BRD10: variants seen among roughly 807,000 people sequenced by gnomAD.
The protein encoded by BRD10 is uncharacterized bromodomain-containing protein 10.
the BRD10 span, among the ~76,000 whole-genome samples, chr9:5,929,506 C>T: frequency 5.9e-5 from 9 of 152,200 alleles, no homozygotes; most frequent in African/African-American, 2.2e-4. Context: ...TGACATGGGT[C>T]ATTTCAGTAA....
At chr9:5,988,514 T>G in the BRD10 span, 3 of 1,613,892 alleles carry the variant, frequency 1.9e-6, no homozygotes, top group Non-Finnish European at 2.5e-6. Flanking sequence ...CCTCTAGATG[T>G]AACTGCTATC....
At chr9:5,991,587 A>T in the BRD10 span, among the ~76,000 whole-genome samples, 1 of 151,902 alleles carries the variant, frequency 6.6e-6, no homozygotes, top group Non-Finnish European at 1.5e-5. Flanking sequence ...GCTGGGCCTG[A>T]TGGCACGTGC....
chr9:5,904,501 C>T, the BRD10 span, among the ~76,000 whole-genome samples: 5 of 152,046 alleles, frequency 3.3e-5, no homozygotes, highest in South Asian at 1.0e-3. Context: ...CAGAATCTCA[C>T]TCACTCTGTC....
chr9:5,951,328 TA>T, the BRD10 span, among the ~76,000 whole-genome samples: 29,334 of 149,682 alleles, frequency 0.2, 3,007 homozygotes, highest in Middle Eastern at 0.28. Flanking sequence ...CATTAGGACT[TA>T]AAAAAAAAAA....
the BRD10 span, among the ~76,000 whole-genome samples, chr9:5,998,396 G>C: frequency 2.0e-5 from 3 of 152,004 alleles, no homozygotes; most frequent in Non-Finnish European, 2.9e-5. Context: ...TCCATAATAT[G>C]TATACACATA....
At chr9:5,878,955 C>T in the BRD10 span, among the ~76,000 whole-genome samples, 1 of 152,222 alleles carries the variant, frequency 6.6e-6, no homozygotes, top group Non-Finnish European at 1.5e-5. Context: ...AGATTCTGGG[C>T]AGAGAGATGG....
the BRD10 span, among the ~76,000 whole-genome samples, chr9:5,959,575 A>T: frequency 6.6e-6 from 1 of 152,208 alleles, no homozygotes; most frequent in African/African-American, 2.4e-5. Context: ...CATGGAGTAT[A>T]GTAAATCCTT....
At chr9:5,979,792 G>A in the BRD10 span, among the ~76,000 whole-genome samples, 6 of 151,964 alleles carry the variant, frequency 3.9e-5, no homozygotes, top group Non-Finnish European at 4.4e-5. Flanking sequence ...GAGGAGGGCA[G>A]ATCACCTGAG....
the BRD10 span, among the ~76,000 whole-genome samples, chr9:5,946,568 A>G: frequency 6.6e-6 from 1 of 152,230 alleles, no homozygotes; most frequent in East Asian, 1.9e-4. Context: ...AGTGAGGACT[A>G]AACTTTTCAT....
the BRD10 span, among the ~76,000 whole-genome samples, chr9:5,987,872 T>C: frequency 6.6e-6 from 1 of 152,196 alleles, no homozygotes; most frequent in Non-Finnish European, 1.5e-5. Context: ...TCCCAGACCC[T>C]AGAAGCTACC....
the BRD10 span, among the ~76,000 whole-genome samples, chr9:5,915,479 C>T: frequency 2.0e-5 from 3 of 152,198 alleles, no homozygotes; most frequent in South Asian, 2.1e-4. Context: ...CATATACTTT[C>T]GAATATTCTT....
chr9:5,991,502 C>T, the BRD10 span, among the ~76,000 whole-genome samples: 1 of 152,044 alleles, frequency 6.6e-6, no homozygotes, highest in Non-Finnish European at 1.5e-5. Context: ...GCAGGTGGAT[C>T]ACCTGACGTC....
the BRD10 span, among the ~76,000 whole-genome samples, chr9:5,991,978 C>G: frequency 6.6e-6 from 1 of 152,172 alleles, no homozygotes; most frequent in South Asian, 2.1e-4. Context: ...CTTGATCACT[C>G]TCCTTTAAGA....
At chr9:5,884,253 T>C in the BRD10 span, among the ~76,000 whole-genome samples, 4 of 152,216 alleles carry the variant, frequency 2.6e-5, no homozygotes, top group South Asian at 2.1e-4. Context: ...CACGGGAAAA[T>C]AGATTTACTG....
At chr9:5,994,771 T>A in the BRD10 span, among the ~76,000 whole-genome samples, 1 of 152,102 alleles carries the variant, frequency 6.6e-6, no homozygotes, top group Non-Finnish European at 1.5e-5. Context: ...GTAGAAAAAA[T>A]AATCCCCTTA....
chr9:5,945,056 ATTAT>A, the BRD10 span: 8 of 503,774 alleles, frequency 1.6e-5, no homozygotes, highest in Non-Finnish European at 2.8e-5. Flanking sequence ...TGAATTCACA[ATTAT>A]TTTTCTCTGT....
At chr9:5,991,943 A>C in the BRD10 span, among the ~76,000 whole-genome samples, 2 of 152,100 alleles carry the variant, frequency 1.3e-5, no homozygotes, top group African/African-American at 4.8e-5. Context: ...TCATACCAAC[A>C]CAACTGTTTC....
At chr9:5,965,216 A>C in the BRD10 span, among the ~76,000 whole-genome samples, 1 of 152,136 alleles carries the variant, frequency 6.6e-6, no homozygotes, top group Non-Finnish European at 1.5e-5. Flanking sequence ...GAAGGTTCAT[A>C]CATCAGTCAT....
chr9:5,905,008 C>T, the BRD10 span, among the ~76,000 whole-genome samples: 3,104 of 151,906 alleles, frequency 0.02, 49 homozygotes, highest in Non-Finnish European at 0.03. Context: ...CTCCTGACCT[C>T]GTGATCCACA....
Sources: allele counts gnomAD v4.1 joint callset (sites outside exome capture counted in the v4.1 genomes callset), GRCh38; gene constraint gnomAD v4.1.1; transcripts MANE v1.5; gene names NCBI Gene and HGNC (gene_info 2026-07-23, HGNC 2026-07-21).